Variants in CATSPERT observed in about 807,000 individuals in gnomAD.
CATSPERT encodes cation channel sperm-associated targeting subunit tau.
At chr2:201,575,329 A>C in the CATSPERT span, 66 of 1,588,004 alleles carry the variant, frequency 4.2e-5, no homozygotes, top group Admixed American at 2.3e-4. Context: ...CACCCTTTCT[A>C]GAAAAAAAAA....
At chr2:201,491,005 G>A in the CATSPERT span, among the ~76,000 whole-genome samples, 2 of 152,158 alleles carry the variant, frequency 1.3e-5, no homozygotes, top group East Asian at 3.9e-4. Context: ...TTACAGGTGT[G>A]AGCCACCACA....
chr2:201,534,710 G>T, the CATSPERT span: 1 of 981,996 alleles, frequency 1.0e-6, no homozygotes, highest in Non-Finnish European at 1.2e-6. Context: ...AGAGCAATTT[G>T]TTAGCATGCC....
the CATSPERT span, among the ~76,000 whole-genome samples, chr2:201,546,355 A>G: frequency 1.3e-5 from 2 of 152,212 alleles, no homozygotes; most frequent in Non-Finnish European, 2.9e-5. Flanking sequence ...AGGTTAGAGT[A>G]TATTTCTAAA....
chr2:201,616,509 C>T, the CATSPERT span, among the ~76,000 whole-genome samples: 1 of 152,126 alleles, frequency 6.6e-6, no homozygotes, highest in African/African-American at 2.4e-5. Context: ...ATTCAACAGC[C>T]CTTCATGCTA....
At chr2:201,537,463 AT>A in the CATSPERT span, 5 of 1,590,596 alleles carry the variant, frequency 3.1e-6, no homozygotes, top group South Asian at 4.6e-5. Flanking sequence ...CAGCTTCCTC[AT>A]TTACAAGAGG....
the CATSPERT span, chr2:201,555,859 A>T: frequency 6.6e-6 from 1 of 152,218 alleles, no homozygotes; most frequent in Non-Finnish European, 1.5e-5. Flanking sequence ...TACCATTATT[A>T]TTAATAGGAC....
the CATSPERT span, chr2:201,511,797 T>G: frequency 2.9e-4 from 42 of 144,972 alleles, 1 homozygote; most frequent in South Asian, 9.6e-3. Flanking sequence ...TCCAGAAGTT[T>G]GCCTCAAAAT....
At chr2:201,573,170 C>A in the CATSPERT span, among the ~76,000 whole-genome samples, 1 of 152,036 alleles carries the variant, frequency 6.6e-6, no homozygotes, top group South Asian at 2.1e-4. Flanking sequence ...TTGTTTTGGA[C>A]AAGAATTTCC....
At chr2:201,541,445 C>G in the CATSPERT span, among the ~76,000 whole-genome samples, 1 of 150,122 alleles carries the variant, frequency 6.7e-6, no homozygotes, top group Non-Finnish European at 1.5e-5. Flanking sequence ...TCAGCAACTA[C>G]CATCTTGATC....
the CATSPERT span, among the ~76,000 whole-genome samples, chr2:201,592,897 G>A: frequency 3.1e-4 from 47 of 151,834 alleles, no homozygotes; most frequent in East Asian, 7.2e-3. Flanking sequence ...TCTTGCTAGC[G>A]GTCTATCAAT....
At chr2:201,617,326 AC>A in the CATSPERT span, among the ~76,000 whole-genome samples, 20 of 152,352 alleles carry the variant, frequency 1.3e-4, no homozygotes, top group South Asian at 2.1e-4. Flanking sequence ...GGCTACAGTA[AC>A]CAAAACATCA....
At chr2:201,490,391 A>G in the CATSPERT span, among the ~76,000 whole-genome samples, 1 of 152,298 alleles carries the variant, frequency 6.6e-6, no homozygotes. Context: ...AAAAACCTCT[A>G]ATAGTTGTAG....
At chr2:201,564,712 A>C in the CATSPERT span, among the ~76,000 whole-genome samples, 1 of 152,180 alleles carries the variant, frequency 6.6e-6, no homozygotes, top group Non-Finnish European at 1.5e-5. Context: ...TATGGTAAAT[A>C]GAAGGCCATT....
chr2:201,535,039 AT>A, the CATSPERT span: 5 of 764,888 alleles, frequency 6.5e-6, no homozygotes, highest in African/African-American at 9.5e-5. Context: ...AACTGCTTTT[AT>A]TTTTTCTTTT....
the CATSPERT span, among the ~76,000 whole-genome samples, chr2:201,580,753 T>A: frequency 2.0e-5 from 3 of 152,350 alleles, no homozygotes; most frequent in South Asian, 2.1e-4. Flanking sequence ...AATCAGTAAG[T>A]TCTTGACTCT....
the CATSPERT span, among the ~76,000 whole-genome samples, chr2:201,540,936 A>G: frequency 6.6e-5 from 10 of 152,354 alleles, no homozygotes; most frequent in East Asian, 1.7e-3. Context: ...AGAGGAGCTC[A>G]AAATACCAAC....
the CATSPERT span, chr2:201,582,052 T>A: frequency 1.9e-6 from 3 of 1,582,546 alleles, no homozygotes; most frequent in Non-Finnish European, 2.6e-6. Context: ...GACAACCAAC[T>A]GGCAACGTGA....
chr2:201,516,808 G>A, the CATSPERT span, among the ~76,000 whole-genome samples: 1 of 151,844 alleles, frequency 6.6e-6, no homozygotes, highest in Non-Finnish European at 1.5e-5. Flanking sequence ...GCGGGGAAGG[G>A]GTGGGGCACA....
At chr2:201,532,052 G>C in the CATSPERT span, among the ~76,000 whole-genome samples, 2 of 152,150 alleles carry the variant, frequency 1.3e-5, no homozygotes, top group Non-Finnish European at 2.9e-5. Flanking sequence ...TTGGTCTAAG[G>C]TGATAGCAAT....
Sources: gnomAD v4.1 joint callset for allele counts (sites outside exome capture counted in the v4.1 genomes callset) on GRCh38, gnomAD v4.1.1 for gene constraint, MANE v1.5 for transcripts, NCBI Gene and HGNC (gene_info 2026-07-23, HGNC 2026-07-21) for gene names.